Variants in ZDHHC2 observed in about 807,000 individuals in gnomAD.
ZDHHC2 encodes the protein palmitoyltransferase ZDHHC2.
In ZDHHC2, 51 loss-of-function variants were observed where a neutral mutation model predicts 55.6. The observed-to-expected ratio is 0.92, with a 90% CI of 0.73 to 1.16. The LOEUF (loss-of-function observed/expected upper bound fraction) is 1.16. Among genes scored for constraint, ZDHHC2 ranks in the 50% most tolerant of loss-of-function variants. The probability of loss-of-function intolerance (pLI) is 0.00; values close to 1 mark genes in which losing one functional copy is unlikely to be tolerated. For missense variants in ZDHHC2, 491 were observed against 442.4 expected, an observed-to-expected ratio of 1.11 and a Z score of -0.99; for synonymous variants, 199 against 152.9, an observed-to-expected ratio of 1.30 and a Z score of -2.22.
rs755579376 is a variant in ZDHHC2, at chr8:17,208,083, T to C, written c.721T>C (p.Ser241Pro). The C allele has an allele frequency of 3.8e-6, 6 of 1,571,362 alleles. No homozygotes were observed. Among genetic ancestry groups the C allele is most frequent in the Non-Finnish European group, 5.2e-6 (6 of 1,156,666 alleles). ...YHCWLVSKNK[S>P]TLEAFRSPVF... ...TTGTTGGCTAGTCAGCAAAAATAAA[T>C]CTACATTAGGTGAGTATCCAATTAT... Residue 241 changes from serine to proline, a missense_variant, in exon 8 of 13, where the codon TCT (serine) becomes CCT (proline). Ser to Pro is a moderately conservative substitution (Grantham distance 74). Transcript: ENST00000262096.
chr8:17,202,445 A>G (rs1054719003), intron 6 of ZDHHC2, among the ~76,000 whole-genome samples: 1 of 152,182 alleles, frequency 6.6e-6, no homozygotes, highest in African/African-American at 2.4e-5. Flanking sequence ...TTCTTTTTCA[A>G]ATTTAAAGTC....
chr8:17,214,042 A>G (rs1223578399), intron 10 of ZDHHC2, among the ~76,000 whole-genome samples: 1 of 152,226 alleles, frequency 6.6e-6, no homozygotes, highest in Non-Finnish European at 1.5e-5. Flanking sequence ...GTTACTATAT[A>G]TAATTGAACT....
chr8:17,192,759 C>A (rs1394187793), intron 3 of ZDHHC2, among the ~76,000 whole-genome samples: 2 of 152,182 alleles, frequency 1.3e-5, no homozygotes, highest in Non-Finnish European at 2.9e-5. Flanking sequence ...AATTTGAGGT[C>A]TTAGATTTAA....
intron 1 of ZDHHC2, among the ~76,000 whole-genome samples, chr8:17,181,800 C>G (rs1282417900): frequency 6.6e-6 from 1 of 151,962 alleles, no homozygotes; most frequent in Non-Finnish European, 1.5e-5. Context: ...TATATTGTTT[C>G]AAAAATGAGT....
At chr8:17,204,540 G>A (rs1414035217) in intron 6 of ZDHHC2, among the ~76,000 whole-genome samples, 2 of 152,180 alleles carry the variant, frequency 1.3e-5, no homozygotes, top group South Asian at 2.1e-4. Flanking sequence ...TTGTCTTTAT[G>A]AAAAGGAAAT....
At chr8:17,202,391 A>AT (rs953918238) in intron 6 of ZDHHC2, among the ~76,000 whole-genome samples, 5 of 151,610 alleles carry the variant, frequency 3.3e-5, no homozygotes, top group South Asian at 4.2e-4. Context: ...CACATAGGAA[A>AT]TTTTTTTTTA....
At chr8:17,195,793 G>A (rs1294811529) in intron 4 of ZDHHC2, among the ~76,000 whole-genome samples, 169 bp downstream of exon 4, 6 of 152,176 alleles carry the variant, frequency 3.9e-5, no homozygotes, top group African/African-American at 1.4e-4. Context: ...AAAACAGAAT[G>A]GAAACACGAA....
intron 1 of ZDHHC2, among the ~76,000 whole-genome samples, chr8:17,184,349 T>C (rs1805596462): frequency 1.3e-5 from 2 of 152,214 alleles, no homozygotes; most frequent in Admixed American, 6.5e-5. Flanking sequence ...AAAAAAAGTG[T>C]GTGCTGTGGA....
chr8:17,215,900 G>T (rs748673919), intron 11 of ZDHHC2, among the ~76,000 whole-genome samples: 4 of 152,154 alleles, frequency 2.6e-5, no homozygotes, highest in African/African-American at 9.7e-5. Flanking sequence ...AACAAGCAAG[G>T]CTCCGAAGTC....
chr8:17,160,473 A>G (rs746605403), intron 1 of ZDHHC2, among the ~76,000 whole-genome samples: 19 of 152,220 alleles, frequency 1.2e-4, no homozygotes, highest in Non-Finnish European at 2.5e-4. Flanking sequence ...TTTAAACGAA[A>G]GAGTTAAACT....
chr8:17,203,948 C>T (rs569175648), intron 6 of ZDHHC2, among the ~76,000 whole-genome samples: 1 of 152,056 alleles, frequency 6.6e-6, no homozygotes, highest in Non-Finnish European at 1.5e-5. Flanking sequence ...TCTGGGACTA[C>T]AGGCGTGTAC....
At chr8:17,157,105 C>T (rs1419136130) in intron 1 of ZDHHC2, among the ~76,000 whole-genome samples, 1 of 152,016 alleles carries the variant, frequency 6.6e-6, no homozygotes, top group Non-Finnish European at 1.5e-5. Flanking sequence ...GAGCCTCCCG[C>T]CGCCTTCCGC....
chr8:17,193,024 C>CT (rs1420127474), intron 3 of ZDHHC2, among the ~76,000 whole-genome samples: 1 of 152,174 alleles, frequency 6.6e-6, no homozygotes, highest in African/African-American at 2.4e-5. Context: ...GAATGCTAGT[C>CT]TTACGCCAGT....
At chr8:17,199,853 G>A (rs534247962) in intron 6 of ZDHHC2, among the ~76,000 whole-genome samples, 20 of 149,648 alleles carry the variant, frequency 1.3e-4, no homozygotes, top group South Asian at 4.2e-4. Flanking sequence ...TCTGCCTCCC[G>A]GGTTCAAGCG....
chr8:17,215,241 G>A lies in ZDHHC2; in HGVS notation c.955G>A (p.Glu319Lys), dbSNP rs529170689. 6.9e-6 allele frequency: 11 copies of A among 1,588,788 alleles called. No homozygotes were observed. The highest frequency in any genetic ancestry group is 4.0e-5 in the African/African-American group (3 of 74,380). ...GATTATTCAATTATTATTCAGTCTCGAAAACCATCAGTTTCCTGCAAAGCC... is the reference window on the plus strand; with the variant it reads ...GATTATTCAATTATTATTCAGTCTCAAAAACCATCAGTTTCCTGCAAAGCC... ...AGLNSTAKNL[E>K]NHQFPAKPLR... The change falls in exon 11 of 13, where the codon GAA (glutamate) becomes AAA (lysine). Residue 319 changes from glutamate (E) to lysine (K), a missense_variant. Physicochemically the swap from Glu to Lys is moderately conservative, Grantham distance 56 (BLOSUM62 1). Coordinates refer to ENST00000262096, the MANE Select transcript of ZDHHC2 (RefSeq NM_016353.5).
chr8:17,161,196 G>C (rs1435006745), intron 1 of ZDHHC2, among the ~76,000 whole-genome samples: 1 of 152,228 alleles, frequency 6.6e-6, no homozygotes, highest in Non-Finnish European at 1.5e-5. Flanking sequence ...CTCAAGGATA[G>C]AGACTGCTGG....
intron 8 of ZDHHC2, among the ~76,000 whole-genome samples, chr8:17,209,551 T>C (rs1008687887): frequency 1.2e-4 from 18 of 152,288 alleles, no homozygotes; most frequent in African/African-American, 3.9e-4. Flanking sequence ...GATAGTCTGA[T>C]TGTGGTTTTC....
intron 1 of ZDHHC2, among the ~76,000 whole-genome samples, chr8:17,175,188 G>C (rs2150893951): frequency 6.6e-6 from 1 of 152,280 alleles, no homozygotes; most frequent in East Asian, 1.9e-4. Flanking sequence ...CGTTGGCATA[G>C]GACCAATGCA....
chr8:17,199,426 T>C (rs571498219), intron 6 of ZDHHC2, among the ~76,000 whole-genome samples: 18 of 150,878 alleles, frequency 1.2e-4, no homozygotes, highest in African/African-American at 4.4e-4. Context: ...TGGTTTTTTT[T>C]ACAACAAGTG....
Sources: gnomAD v4.1 joint callset for allele counts (sites outside exome capture counted in the v4.1 genomes callset) on GRCh38, gnomAD v4.1.1 for gene constraint, MANE v1.5 for transcripts, NCBI Gene and HGNC (gene_info 2026-07-23, HGNC 2026-07-21) for gene names.